Variants in NCAPD3 observed in about 807,000 individuals in gnomAD.
NCAPD3 encodes non-SMC condensin II complex subunit D3.
In NCAPD3, 105 loss-of-function variants were observed where a neutral mutation model predicts 182.9. The observed-to-expected ratio is 0.57, with a 90% CI of 0.49 to 0.68. The LOEUF is 0.68. NCAPD3 is among the 30% of genes least tolerant of loss of function. NCAPD3 has a pLI of 0.00. For synonymous variants in NCAPD3, 815 were observed against 679.9 expected (o/e 1.20, Z -3.09); for missense variants, 1,944 against 1,837.0 (o/e 1.06, Z -1.07).
At chr11:134,172,145 C>T (rs1182975368) in intron 24 of NCAPD3, among the ~76,000 whole-genome samples, 1 of 152,144 alleles carries the variant, frequency 6.6e-6, no homozygotes, top group African/African-American at 2.4e-5. Context: ...GCCTCCACCT[C>T]CACCTCCCCG....
At chr11:134,168,448 T>C (rs1324685215) in intron 26 of NCAPD3, 21 bp downstream of exon 26, 2 of 1,613,398 alleles carry the variant, frequency 1.2e-6, no homozygotes, top group Admixed American at 1.7e-5. Context: ...ACACATTTTC[T>C]CCCACACACA....
At chr11:134,162,696 G>A (rs1196600999) in intron 27 of NCAPD3, among the ~76,000 whole-genome samples, 2 of 152,216 alleles carry the variant, frequency 1.3e-5, no homozygotes, top group Non-Finnish European at 2.9e-5. Flanking sequence ...GATGTGAGCA[G>A]ATGTTATGTT....
At chr11:134,161,694 G>GGC in intron 28 of NCAPD3, 87 bp downstream of exon 28, 1 of 780,490 alleles carries the variant, frequency 1.3e-6, no homozygotes, top group Non-Finnish European at 2.1e-6. Context: ...ATCATTCACG[G>GGC]ATTGCCTGCA....
chr11:134,190,211 GT>G (rs1944494581), intron 16 of NCAPD3, among the ~76,000 whole-genome samples: 1 of 152,144 alleles, frequency 6.6e-6, no homozygotes, highest in Non-Finnish European at 1.5e-5. Flanking sequence ...TGTCTGCAGT[GT>G]TAACTCGAGT....
Position 134,158,515 on chromosome 11 carries a change from G to T in NCAPD3, c.3868-20C>A. The T allele has an allele frequency of 6.2e-7, 1 of 1,608,164 alleles. No individual in the cohort carries two copies. The highest frequency in any genetic ancestry group is 8.5e-7 in the Non-Finnish European group (1 of 1,177,464). On this transcript the variant is annotated intron_variant, in intron 29 of 34. Transcript: ENST00000534548. ...GGCAACCTGGTAGAGAAGATAAAGA[G>T]TATGTACATTCTAATACTTTTTAAG... is the stretch of plus-strand genomic sequence containing the variant.
chr11:134,172,827 C>T (rs1944044614), intron 24 of NCAPD3, among the ~76,000 whole-genome samples: 1 of 152,008 alleles, frequency 6.6e-6, no homozygotes, highest in South Asian at 2.1e-4. Flanking sequence ...TGCTTGAGCT[C>T]AGGAGCAGCA....
At chr11:134,178,314 G>A (rs1944216817) in intron 22 of NCAPD3, among the ~76,000 whole-genome samples, 1 of 152,148 alleles carries the variant, frequency 6.6e-6, no homozygotes, top group Non-Finnish European at 1.5e-5. Flanking sequence ...TTCAAGTCAA[G>A]TGAAGGTATT....
chr11:134,184,784 A>T (rs750305486), intron 18 of NCAPD3, 32 bp from the exon 19 acceptor site: 3 of 1,525,574 alleles, frequency 2.0e-6, no homozygotes, highest in Non-Finnish European at 1.8e-6. Flanking sequence ...CTGAAGTTCA[A>T]CTGCTTAAAT....
In NCAPD3 at chr11:134,167,860, C is replaced by A. The variant is rs111884510; in HGVS notation, c.3573+136G>T. The A allele has an allele frequency of 3.9e-4, 339 of 864,692 alleles. 1 individual carries two copies. The highest frequency in any genetic ancestry group is 8.4e-4 in the Admixed American group (39 of 46,342). 53.6% of individuals were successfully genotyped at this position (864,692 alleles called of 1,614,324 possible). On this transcript the variant is annotated intron_variant, in intron 27 of 34. Transcript: ENST00000534548. ...GAGATGAGCTTGGGGGAGCAGCACA[C>A]TCGTGAGATGAGCTTGGGGGAGGTG...
rs1014748777 is a variant in NCAPD3 at position 134,151,631 on chromosome 11, A to T, written c.*1313T>A. On this transcript the variant is annotated 3_prime_UTR_variant, in exon 35 of 35. Transcript: ENST00000534548. ...GAATGTGACTCAAGACTCGAGGCCG[A>T]TACGAGGCTGTGATTCTGCCTTTGG... The T allele has an allele frequency of 1.3e-5, 2 of 152,200 alleles. No homozygotes were observed. The highest frequency in any genetic ancestry group is 2.9e-5 in the Non-Finnish European group (2 of 68,050). 9.4% of individuals were successfully genotyped at this position (152,200 alleles called of 1,614,324 possible).
At chr11:134,224,089 T>G (rs1298853063), upstream of NCAPD3, 8 of 818,062 alleles carry the variant, frequency 9.8e-6, no homozygotes, top group Admixed American at 1.7e-4. Context: ...ACCGGCGTCG[T>G]CCGCCGCACG....
At chr11:134,200,941 G>C (rs767242900) in intron 13 of NCAPD3, among the ~76,000 whole-genome samples, 15 of 151,918 alleles carry the variant, frequency 9.9e-5, no homozygotes, top group Non-Finnish European at 1.9e-4. Flanking sequence ...AATGAGCCTT[G>C]AAAACACGCT....
chr11:134,167,326 C>A (rs1943864177), intron 27 of NCAPD3, among the ~76,000 whole-genome samples: 1 of 55,720 alleles, frequency 1.8e-5, no homozygotes, highest in Non-Finnish European at 2.8e-5. Flanking sequence ...GTGAAATGAG[C>A]CTGGGGGAGG....
At chr11:134,171,887 G>A (rs1352711009) in intron 24 of NCAPD3, among the ~76,000 whole-genome samples, 1 of 152,170 alleles carries the variant, frequency 6.6e-6, no homozygotes, top group Admixed American at 6.5e-5. Context: ...GTCAGAGGAT[G>A]AGGAGCACAT....
intron 31 of NCAPD3, 44 bp from the exon 32 acceptor site, chr11:134,157,139 A>G (rs769192568): frequency 4.7e-6 from 7 of 1,486,550 alleles, no homozygotes; most frequent in Non-Finnish European, 6.5e-6. Flanking sequence ...CCCCCAAACA[A>G]TAACGAAGAG....
At chr11:134,196,235 G>A (rs879076874) in intron 13 of NCAPD3, among the ~76,000 whole-genome samples, 1 of 152,106 alleles carries the variant, frequency 6.6e-6, no homozygotes, top group African/African-American at 2.4e-5. Flanking sequence ...AACAAATTAA[G>A]TAGCCTACAT....
intron 13 of NCAPD3, among the ~76,000 whole-genome samples, chr11:134,197,384 C>A (rs1432582020): frequency 6.8e-6 from 1 of 146,046 alleles, no homozygotes; most frequent in Non-Finnish European, 1.5e-5. Context: ...TCAAGTGATT[C>A]TCCTGCCTCA....
chr11:134,172,972 G>C (rs552650588), intron 24 of NCAPD3: 1 of 101,938 alleles, frequency 9.8e-6, no homozygotes, highest in East Asian at 2.9e-4. Flanking sequence ...GCAAGACCCT[G>C]TCTCAAAAAA....
chr11:134,168,365 C>G (rs1180343160), intron 26 of NCAPD3, 104 bp downstream of exon 26: 1 of 1,540,868 alleles, frequency 6.5e-7, no homozygotes, highest in African/African-American at 1.4e-5. Context: ...CAGGGGTCTT[C>G]CTGCAGTGCC....
Sources: allele counts gnomAD v4.1 joint callset (sites outside exome capture counted in the v4.1 genomes callset), GRCh38; gene constraint gnomAD v4.1.1; transcripts MANE v1.5; gene names NCBI Gene and HGNC (gene_info 2026-07-23, HGNC 2026-07-21).